Variants in PAPSS2 observed in about 807,000 individuals in gnomAD.
The protein encoded by PAPSS2 is 3'-phosphoadenosine 5'-phosphosulfate synthase 2, also known as bifunctional 3'-phosphoadenosine 5'-phosphosulfate synthase 2.
In PAPSS2, 61 loss-of-function variants were observed where a neutral mutation model predicts 66.5. The ratio of observed to expected loss-of-function variants is 0.92; its 90% confidence interval spans 0.75 to 1.14. PAPSS2 has a LOEUF of 1.14. Ranked by LOEUF, PAPSS2 falls within the 50% of genes most tolerant of loss-of-function variation. The pLI is 0.00. For synonymous variants in PAPSS2, 289 were observed against 287.5 expected, an observed-to-expected ratio of 1.01 and a Z score of -0.05; for missense variants, 708 against 789.6, an observed-to-expected ratio of 0.90 and a Z score of 1.24.
At chr10:87,721,630 G>A (rs917703308) in intron 7 of PAPSS2, 126 bp from the exon 8 acceptor site, 3 of 658,796 alleles carry the variant, frequency 4.6e-6, no homozygotes, top group African/African-American at 3.7e-5. Context: ...GCATGACAAA[G>A]CTAGTATATT....
intron 1 of PAPSS2, among the ~76,000 whole-genome samples, chr10:87,702,605 A>C (rs1853331922): frequency 6.6e-6 from 1 of 152,228 alleles, no homozygotes; most frequent in African/African-American, 2.4e-5. Context: ...AATGAGGGCC[A>C]AGTTAAAACA....
chr10:87,708,918 A>G (rs1470193320), intron 1 of PAPSS2, among the ~76,000 whole-genome samples: 1 of 152,228 alleles, frequency 6.6e-6, no homozygotes, highest in Non-Finnish European at 1.5e-5. Context: ...ACTGCTTATG[A>G]ATAACATTAA....
At chr10:87,740,130 C>A (rs1853848835) in intron 9 of PAPSS2, among the ~76,000 whole-genome samples, 1 of 152,008 alleles carries the variant, frequency 6.6e-6, no homozygotes, top group Non-Finnish European at 1.5e-5. Context: ...ACAAAGGGAA[C>A]CTGATAATTC....
chr10:87,731,641 C>T (rs1420547621), intron 9 of PAPSS2, among the ~76,000 whole-genome samples: 1 of 152,166 alleles, frequency 6.6e-6, no homozygotes, highest in Non-Finnish European at 1.5e-5. Flanking sequence ...TAAATATCAA[C>T]ACTAATGGGA....
intron 1 of PAPSS2, among the ~76,000 whole-genome samples, chr10:87,706,083 G>GGT (rs1211352854): frequency 0.021 from 962 of 46,632 alleles, 24 homozygotes; most frequent in African/African-American, 0.099. Flanking sequence ...TTCTTCACAT[G>GGT]GTATATATAT....
At chr10:87,734,663 GTATATA>G (rs66686947) in intron 9 of PAPSS2, among the ~76,000 whole-genome samples, 4,903 of 81,038 alleles carry the variant, frequency 0.061, 188 homozygotes, top group Middle Eastern at 0.11. Flanking sequence ...GAATGTGTGT[GTATATA>G]TATATATATA....
intron 1 of PAPSS2, among the ~76,000 whole-genome samples, chr10:87,685,416 G>A (rs1426047650): frequency 6.6e-6 from 1 of 152,222 alleles, no homozygotes; most frequent in East Asian, 1.9e-4. Flanking sequence ...CAGGCTGAGT[G>A]CAGTGGCTCA....
Position 87,659,956 on chromosome 10 carries a change from C to A in PAPSS2, c.-26C>A. On this transcript the variant is annotated 5_prime_UTR_variant, in exon 1 of 13. Coordinates refer to ENST00000456849, the MANE Select transcript of PAPSS2 (RefSeq NM_001015880.2). ...CGTCCTTCGGTCTCTGCTCCCGGGA[C>A]CCGGGCTCCGCCGCAGCCAGCCAGC... 6.2e-7 allele frequency: 1 copy of A among 1,611,866 alleles called. No individual in the cohort carries two copies. The highest frequency in any genetic ancestry group is 8.5e-7 in the Non-Finnish European group (1 of 1,179,280).
At chr10:87,692,914 A>G (rs146843546) in intron 1 of PAPSS2, among the ~76,000 whole-genome samples, 1 of 152,258 alleles carries the variant, frequency 6.6e-6, no homozygotes, top group East Asian at 1.9e-4. Context: ...AATCATCATA[A>G]CAACCCCCAA....
chr10:87,678,590 T>TA (rs34785604), intron 1 of PAPSS2, among the ~76,000 whole-genome samples: 73,992 of 150,192 alleles, frequency 0.49, 18,316 homozygotes, highest in East Asian at 0.77. Context: ...CCCAGCAGCG[T>TA]AAAAAAAAAA....
chr10:87,729,000 A>G (rs1032658088), intron 9 of PAPSS2, among the ~76,000 whole-genome samples: 7 of 151,820 alleles, frequency 4.6e-5, no homozygotes, highest in Non-Finnish European at 2.9e-5. Context: ...TTTGAGATGG[A>G]GTCTTGCTCT....
At chr10:87,729,074 G>A (rs1853695268) in intron 9 of PAPSS2, among the ~76,000 whole-genome samples, 2 of 151,900 alleles carry the variant, frequency 1.3e-5, no homozygotes, top group Admixed American at 1.3e-4. Context: ...GCAACCTTTG[G>A]TTATGGTTAT....
chr10:87,704,422 G>A (rs1053371958), intron 1 of PAPSS2, among the ~76,000 whole-genome samples: 2 of 152,154 alleles, frequency 1.3e-5, no homozygotes, highest in African/African-American at 4.8e-5. Flanking sequence ...GTGGATCTCT[G>A]CCTGTGTGGA....
intron 9 of PAPSS2, among the ~76,000 whole-genome samples, chr10:87,732,268 C>T (rs979484845): frequency 6.6e-6 from 1 of 152,156 alleles, no homozygotes; most frequent in African/African-American, 2.4e-5. Context: ...CGCGGTGGCT[C>T]ACCCTGTAAT....
At chr10:87,739,850 G>T (rs1853845485) in intron 9 of PAPSS2, among the ~76,000 whole-genome samples, 1 of 152,196 alleles carries the variant, frequency 6.6e-6, no homozygotes. Context: ...TGTTCTTGAT[G>T]AAGCTGTAAA....
At chr10:87,737,991 G>T (rs192063955) in intron 9 of PAPSS2, among the ~76,000 whole-genome samples, 12 of 152,182 alleles carry the variant, frequency 7.9e-5, no homozygotes, top group Non-Finnish European at 1.8e-4. Context: ...TTTGTGACTG[G>T]CTTATTTCAC....
chr10:87,693,177 T>C (rs1474328780), intron 1 of PAPSS2, among the ~76,000 whole-genome samples: 1 of 152,168 alleles, frequency 6.6e-6, no homozygotes, highest in Non-Finnish European at 1.5e-5. Context: ...TCTGATCAAG[T>C]TTCCTGAGTT....
At chr10:87,721,856 G>T (rs1853602678) in intron 8 of PAPSS2, 86 bp downstream of exon 8, 1 of 795,634 alleles carries the variant, frequency 1.3e-6, no homozygotes, top group Non-Finnish European at 2.0e-6. Context: ...ATAACTAAAA[G>T]AAAATCTACA....
chr10:87,727,135 A>G (rs1853668752), intron 8 of PAPSS2, 149 bp from the exon 9 acceptor site: 1 of 714,226 alleles, frequency 1.4e-6, no homozygotes, highest in Non-Finnish European at 2.5e-6. Context: ...ATCTAGAGAA[A>G]CTGGTGCAGC....
Sources: allele counts gnomAD v4.1 joint callset (sites outside exome capture counted in the v4.1 genomes callset), GRCh38; gene constraint gnomAD v4.1.1; transcripts MANE v1.5; gene names NCBI Gene and HGNC (gene_info 2026-07-23, HGNC 2026-07-21).